NEK10: variants seen among roughly 807,000 people sequenced by gnomAD.
The protein encoded by NEK10 is NIMA related kinase 10.
NEK10 carries 122 observed loss-of-function variants against 159.8 expected under a neutral mutation model. The ratio of observed to expected loss-of-function variants is 0.76; its 90% confidence interval spans 0.66 to 0.89. The LOEUF (loss-of-function observed/expected upper bound fraction) is 0.89. Among genes scored for constraint, NEK10 ranks in the 40% least tolerant of loss-of-function variants. The pLI, the probability that NEK10 is intolerant of heterozygous loss-of-function variation, is 0.00. For synonymous variants in NEK10, 466 were observed against 457.1 expected (o/e 1.02, Z -0.25); for missense variants, 1,342 against 1,323.1 (o/e 1.01, Z -0.22).
chr3:27,204,298 G>GTTTT (rs1559606061), intron 23 of NEK10, among the ~76,000 whole-genome samples: 3 of 65,516 alleles, frequency 4.6e-5, no homozygotes, highest in Admixed American at 3.6e-4. Context: ...TTTTTTTGTT[G>GTTTT]TTGTTTTTTT....
intron 23 of NEK10, among the ~76,000 whole-genome samples, chr3:27,203,379 C>T (rs1288550120): frequency 2.0e-5 from 3 of 152,128 alleles, no homozygotes; most frequent in Admixed American, 1.3e-4. Flanking sequence ...ACAATATCTA[C>T]CATGTTCACT....
At position 27,291,445 on chromosome 3, in the gene NEK10, C is replaced by T. The variant is rs777771335; in HGVS notation, c.1476+39G>A. On this transcript the variant is annotated intron_variant, in intron 17 of 35. Coordinates refer to ENST00000691995, the MANE Select transcript of NEK10 (RefSeq NM_001394966.1). ...TCTGTGATAAATTACATCCTGACTACATAGCAGCCTGCCAAAATATTGAAA... is the reference window on the plus strand; with the variant it reads ...TCTGTGATAAATTACATCCTGACTATATAGCAGCCTGCCAAAATATTGAAA... The T allele has an allele frequency of 5.0e-6, 8 of 1,603,184 alleles. No individual in the cohort carries two copies. The South Asian group carries it at 7.7e-5, about 15-fold the overall frequency.
chr3:27,201,639 G>A (rs1169160586), intron 24 of NEK10, 59 bp from the exon 25 acceptor site: 4 of 1,239,942 alleles, frequency 3.2e-6, no homozygotes, highest in Non-Finnish European at 4.7e-6. Flanking sequence ...TCTTTGAATA[G>A]TTAATACTTG....
At chr3:27,321,996 A>G (rs2045673053) in intron 6 of NEK10, among the ~76,000 whole-genome samples, 181 bp downstream of exon 6, 2 of 152,220 alleles carry the variant, frequency 1.3e-5, no homozygotes, top group African/African-American at 4.8e-5. Flanking sequence ...TTTGGTCCCC[A>G]TTAAAGCGCT....
At chr3:27,187,218 C>A (rs1444688110) in intron 26 of NEK10, among the ~76,000 whole-genome samples, 1 of 152,090 alleles carries the variant, frequency 6.6e-6, no homozygotes, top group Non-Finnish European at 1.5e-5. Flanking sequence ...AGTCCAGAGC[C>A]CCTGCCCCTC....
intron 23 of NEK10, among the ~76,000 whole-genome samples, chr3:27,220,536 T>C (rs1324083787): frequency 6.6e-6 from 1 of 151,948 alleles, no homozygotes. Context: ...AACATATCCA[T>C]AGGGTCTAGG....
chr3:27,116,517 C>T (rs1014738257), intron 33 of NEK10, among the ~76,000 whole-genome samples: 6 of 151,918 alleles, frequency 3.9e-5, no homozygotes, highest in African/African-American at 1.5e-4. Context: ...AATAAATATA[C>T]GTTAGAAAGA....
At chr3:27,121,511 G>A (rs112880650) in intron 32 of NEK10, among the ~76,000 whole-genome samples, 1 of 152,106 alleles carries the variant, frequency 6.6e-6, no homozygotes, top group Non-Finnish European at 1.5e-5. Context: ...TAGTGAAAAA[G>A]TCTCGCAGGA....
At chr3:27,263,499 C>T (rs1282698685) in intron 22 of NEK10, among the ~76,000 whole-genome samples, 1 of 152,174 alleles carries the variant, frequency 6.6e-6, no homozygotes, top group Non-Finnish European at 1.5e-5. Flanking sequence ...TGTTTACCTA[C>T]TCAAGCCTCG....
intron 23 of NEK10, among the ~76,000 whole-genome samples, chr3:27,239,708 G>A (rs1954338637): frequency 6.6e-6 from 1 of 152,058 alleles, no homozygotes; most frequent in Admixed American, 6.6e-5. Context: ...CAAAAACTAG[G>A]AATGAGCAAC....
At chr3:27,241,135 AG>A (rs1319360583) in intron 23 of NEK10, among the ~76,000 whole-genome samples, 1 of 152,186 alleles carries the variant, frequency 6.6e-6, no homozygotes, top group Non-Finnish European at 1.5e-5. Flanking sequence ...AACAGACTTC[AG>A]GGACATCTTT....
intron 22 of NEK10, among the ~76,000 whole-genome samples, chr3:27,276,662 C>T (rs1267710425): frequency 6.6e-6 from 1 of 152,196 alleles, no homozygotes; most frequent in African/African-American, 2.4e-5. Context: ...CTGCCAATGG[C>T]AGAGCAATCT....
intron 12 of NEK10, 52 bp from the exon 13 acceptor site, chr3:27,301,887 C>T (rs1326551125): frequency 1.2e-5 from 16 of 1,384,832 alleles, no homozygotes; most frequent in African/African-American, 1.4e-5. Flanking sequence ...CCTTCACCGT[C>T]AGTCCTTTCT....
intron 30 of NEK10, among the ~76,000 whole-genome samples, chr3:27,149,928 T>C (rs1305499127): frequency 6.6e-6 from 1 of 152,176 alleles, no homozygotes; most frequent in Non-Finnish European, 1.5e-5. Flanking sequence ...TTAGAAGTGC[T>C]ACAACAGTGA....
intron 22 of NEK10, among the ~76,000 whole-genome samples, chr3:27,263,622 C>T (rs746181069): frequency 7.2e-5 from 11 of 152,164 alleles, no homozygotes; most frequent in Non-Finnish European, 1.0e-4. Context: ...GAGCCAGGCA[C>T]GGGATATAAT....
chr3:27,347,699 C>T (rs1006079630), intron 3 of NEK10, among the ~76,000 whole-genome samples: 1 of 151,994 alleles, frequency 6.6e-6, no homozygotes, highest in Non-Finnish European at 1.5e-5. Context: ...ATAAATCTTC[C>T]ATCCTATAAA....
intron 5 of NEK10, among the ~76,000 whole-genome samples, chr3:27,330,779 A>G (rs2046339054): frequency 6.6e-6 from 1 of 152,176 alleles, no homozygotes; most frequent in Non-Finnish European, 1.5e-5. Context: ...CAGAGGTGAC[A>G]AAAAGAATAA....
intron 23 of NEK10, among the ~76,000 whole-genome samples, chr3:27,229,544 A>C (rs966673576): frequency 6.6e-6 from 1 of 152,174 alleles, no homozygotes; most frequent in African/African-American, 2.4e-5. Flanking sequence ...TGCTAGATAA[A>C]GAATTCAGAA....
At chr3:27,162,004 CAA>C (rs1361962129) in intron 30 of NEK10, among the ~76,000 whole-genome samples, 1 of 117,514 alleles carries the variant, frequency 8.5e-6, no homozygotes. Context: ...GATTCTGTCT[CAA>C]AAAAAAAAAG....
Sources: allele counts gnomAD v4.1 joint callset (sites outside exome capture counted in the v4.1 genomes callset), GRCh38; gene constraint gnomAD v4.1.1; transcripts MANE v1.5; gene names NCBI Gene and HGNC (gene_info 2026-07-23, HGNC 2026-07-21).